COBL: variants seen among roughly 807,000 people sequenced by gnomAD.
COBL encodes the protein protein cordon-bleu.
Under a neutral mutation model 98.8 loss-of-function variants are expected in COBL, and 51 were observed. The ratio of observed to expected loss-of-function variants is 0.52; its 90% CI spans 0.41 to 0.65. The LOEUF (loss-of-function observed/expected upper bound fraction) is 0.65, where lower values mean the gene tolerates loss of function less well. Among genes scored for constraint, COBL ranks in the 30% least tolerant of loss-of-function variants. COBL has a pLI of 0.00. For missense variants in COBL, 1,617 were observed against 1,617.5 expected (o/e 1.00, Z 0.01); for synonymous variants, 634 against 651.7 (o/e 0.97, Z 0.41).
At chr7:51,017,640 G>C (rs1786403146) in intron 12 of COBL, 72 bp from the exon 13 acceptor site, 8 of 1,513,462 alleles carry the variant, frequency 5.3e-6, no homozygotes, top group Non-Finnish European at 7.3e-6. Context: ...TGGTGCTAGA[G>C]AGCTCTGTGC....
chr7:51,045,060 C>T (rs1000122570), intron 7 of COBL, among the ~76,000 whole-genome samples: 6 of 152,242 alleles, frequency 3.9e-5, no homozygotes, highest in African/African-American at 1.4e-4. Context: ...TTCTAGTTCT[C>T]TCCCCAGCTT....
chr7:51,065,830 T>C (rs1199817909), intron 7 of COBL, among the ~76,000 whole-genome samples: 1 of 152,246 alleles, frequency 6.6e-6, no homozygotes, highest in Non-Finnish European at 1.5e-5. Flanking sequence ...TAAGTTAAAA[T>C]GAAGCCATTC....
At chr7:51,313,136 T>C (rs978416702) in intron 1 of COBL, among the ~76,000 whole-genome samples, 5 of 152,238 alleles carry the variant, frequency 3.3e-5, no homozygotes, top group Admixed American at 2.0e-4. Context: ...TATGTAACAG[T>C]TCATTATACA....
rs146607733 is a variant in COBL, at chr7:51,166,799, C to T, written c.783+17303G>A. ...CCCTGGGGATGCAAGGATAGTTCAACATATGCAAATCAATCAGTGTGATAC... is the reference window on the plus strand; with the variant it reads ...CCCTGGGGATGCAAGGATAGTTCAATATATGCAAATCAATCAGTGTGATAC... On this transcript the variant is annotated intron_variant, in intron 5 of 12. Transcript: ENST00000265136. Among the ~76,000 whole-genome samples the T allele has an allele frequency of 1.4e-3, 215 of 152,244 alleles. 1 individual carries two copies. Among genetic ancestry groups the T allele is most frequent in the Middle Eastern group, 6.8e-3 (2 of 294 alleles).
At chr7:51,312,138 A>G (rs981291287) in intron 1 of COBL, among the ~76,000 whole-genome samples, 2 of 151,992 alleles carry the variant, frequency 1.3e-5, no homozygotes, top group African/African-American at 4.8e-5. Context: ...CCTGGCCAAC[A>G]TGGTGAAACC....
intron 7 of COBL, chr7:51,072,230 T>A (rs1792629938): frequency 6.6e-6 from 1 of 152,154 alleles, no homozygotes; most frequent in Non-Finnish European, 1.5e-5. Context: ...TTCAAATGCA[T>A]CTGCATAATA....
At chr7:51,081,349 T>C (rs1487766582) in intron 7 of COBL, among the ~76,000 whole-genome samples, 1 of 151,940 alleles carries the variant, frequency 6.6e-6, no homozygotes, top group Non-Finnish European at 1.5e-5. Context: ...TGGTATGGAG[T>C]TGGCAAGAGG....
chr7:51,149,162 T>C (rs781546460), intron 5 of COBL, among the ~76,000 whole-genome samples: 1 of 152,198 alleles, frequency 6.6e-6, no homozygotes, highest in Non-Finnish European at 1.5e-5. Context: ...TGTGAGGCAA[T>C]GTGAAGTGCA....
chr7:51,163,517 C>T (rs1486796817), intron 5 of COBL, among the ~76,000 whole-genome samples: 1 of 152,202 alleles, frequency 6.6e-6, no homozygotes, highest in Non-Finnish European at 1.5e-5. Flanking sequence ...GCTTGAAACC[C>T]AGTATATTCT....
In COBL at chr7:51,184,086, G is replaced by A; in HGVS notation, c.783+16C>T. On this transcript the variant is annotated intron_variant, in intron 5 of 12. Transcript: ENST00000265136. The stretch of plus-strand genomic sequence containing the variant: ...TTTTACATGATACAAAATCATATGT[G>A]TATTTAATCCATTACCTTACTATTG... The A allele has an allele frequency of 1.6e-6, 2 of 1,229,660 alleles. No homozygotes were observed. The highest frequency in any genetic ancestry group is 2.5e-5 in the East Asian group (1 of 40,454). 76.2% of individuals were successfully genotyped at this position (1,229,660 alleles called of 1,614,324 possible). A position where few individuals can be genotyped will look rare whatever the true frequency, so the allele number is the denominator to read the frequency against.
In COBL at chr7:51,187,327, TATATAC is replaced by T. The variant is rs750642695; in HGVS notation, c.686-3134_686-3129del. ...ATGTTTAAGTATATATATATATATATATATACACACACACACACACACACACACATA... is the reference window on the plus strand; with the variant it reads ...ATGTTTAAGTATATATATATATATATACACACACACACACACACACACATA... On this transcript the variant is annotated intron_variant, in intron 4 of 12. Transcript: ENST00000265136. 2.7e-3 allele frequency among the ~76,000 whole-genome samples: 375 copies of T among 139,028 alleles called. 3 individuals carry two copies. The highest frequency in any genetic ancestry group is 8.5e-3 in the East Asian group (36 of 4,238). 91.2% of individuals were successfully genotyped at this position (139,028 alleles called of 152,430 possible).
rs910301712 is a variant in COBL, at chr7:51,028,047, C to T, written c.3049G>A (p.Asp1017Asn). Residue 1017 changes from aspartate to asparagine, a missense_variant, in exon 10 of 13, where the codon GAT (aspartate) becomes AAT (asparagine). Asp to Asn is a conservative substitution (Grantham distance 23). Transcript: ENST00000265136. ...TGTGGAGGGGGTGGGTCTGTACCAT[C>T]AGGTGCGCGTCTGGGCTCAGATGCT... ...SSASEPRRAP[D>N]GTDPPPPHTS... The T allele has an allele frequency of 6.2e-7, 1 of 1,609,580 alleles. No individual in the cohort carries two copies. Among genetic ancestry groups the T allele is most frequent in the Non-Finnish European group, 8.5e-7 (1 of 1,177,922 alleles).
chr7:51,284,081 C>A (rs948109223), intron 1 of COBL, among the ~76,000 whole-genome samples: 1 of 137,864 alleles, frequency 7.3e-6, no homozygotes, highest in Non-Finnish European at 1.5e-5. Context: ...GTCAGGAGAT[C>A]GAGACCATCC....
intron 5 of COBL, among the ~76,000 whole-genome samples, chr7:51,159,617 A>G (rs1317666730): frequency 6.6e-6 from 1 of 152,248 alleles, no homozygotes; most frequent in Non-Finnish European, 1.5e-5. Context: ...ACGGAAAACC[A>G]GTATTTGAAA....
intron 12 of COBL, among the ~76,000 whole-genome samples, chr7:51,018,905 A>AAATAT (rs1554345519): frequency 5.8e-5 from 2 of 34,436 alleles, no homozygotes; most frequent in African/African-American, 2.5e-4. Context: ...AAAAAAAAAA[A>AAATAT]ATATATATAT....
intron 7 of COBL, among the ~76,000 whole-genome samples, chr7:51,070,392 AACACACACACAC>A (rs369051694): frequency 7.2e-6 from 1 of 138,930 alleles, no homozygotes; most frequent in South Asian, 2.4e-4. Context: ...AAACAGTTAA[AACACACACACAC>A]ACACACACAC....
At chr7:51,130,732 C>T (rs1264790395) in intron 6 of COBL, among the ~76,000 whole-genome samples, 1 of 152,172 alleles carries the variant, frequency 6.6e-6, no homozygotes, top group African/African-American at 2.4e-5. Context: ...CAAATGGACA[C>T]TTCAGTTCTT....
chr7:51,313,038 T>A (rs1019465600), intron 1 of COBL, among the ~76,000 whole-genome samples: 2 of 152,248 alleles, frequency 1.3e-5, no homozygotes, highest in African/African-American at 4.8e-5. Context: ...TTCTTAACTT[T>A]TACTTTCTTA....
intron 2 of COBL, among the ~76,000 whole-genome samples, chr7:51,202,537 G>C (rs976790066): frequency 2.6e-5 from 4 of 152,108 alleles, no homozygotes; most frequent in African/African-American, 9.7e-5. Flanking sequence ...AGAGGTTTTA[G>C]AACAAATCCC....
Sources: allele counts gnomAD v4.1 joint callset (sites outside exome capture counted in the v4.1 genomes callset), GRCh38; gene constraint gnomAD v4.1.1; transcripts MANE v1.5; gene names NCBI Gene and HGNC (gene_info 2026-07-23, HGNC 2026-07-21).